The following CLDN16 variants were observed in gnomAD, a reference collection of about 807,000 sequenced individuals.
CLDN16 encodes the protein claudin 16.
Under a neutral mutation model 24.6 loss-of-function variants are expected in CLDN16, and 13 were observed. The ratio of observed to expected loss-of-function variants is 0.53; its 90% confidence interval spans 0.34 to 0.84. The LOEUF (loss-of-function observed/expected upper bound fraction) is 0.84, where lower values mean the gene tolerates loss of function less well. CLDN16 is among the 40% of genes least tolerant of loss of function. The pLI is 0.01. For missense variants in CLDN16, 298 were observed against 292.7 expected (o/e 1.02, Z -0.13); for synonymous variants, 116 against 106.7 (o/e 1.09, Z -0.54).
chr3:190,375,614 C>A (rs1005966412), intron 3 of CLDN16, among the ~76,000 whole-genome samples: 1 of 151,876 alleles, frequency 6.6e-6, no homozygotes, highest in Admixed American at 6.6e-5. Context: ...GTAAGTAAAA[C>A]CAGATATTCA....
At chr3:190,375,137 C>T (rs1560090414) in intron 3 of CLDN16, among the ~76,000 whole-genome samples, 1 of 152,000 alleles carries the variant, frequency 6.6e-6, no homozygotes, top group African/African-American at 2.4e-5. Context: ...GATGTTTAAA[C>T]TCCTGTTGGT....
At position 190,357,707 on chromosome 3, in the gene CLDN16, G is replaced by A. The variant is rs138185056; in HGVS notation, n.122-13186G>A. On this transcript the variant is annotated intron_variant and non_coding_transcript_variant, in intron 1 of 4. Coordinates refer to the CLDN16 transcript ENST00000468220. ...TCTTTCACAGGTTGGTGCTTTACTC[G>A]TGGTTTCCCATCAGCCCAGATTGCA... is the stretch of plus-strand genomic sequence containing the variant. 4.1e-3 allele frequency among the ~76,000 whole-genome samples: 619 copies of A among 151,934 alleles called. 2 individuals carry two copies. Among genetic ancestry groups the A allele is most frequent in the African/African-American group, 0.014 (591 of 41,476 alleles).
Position 190,352,344 on chromosome 3 carries a change from A to G in CLDN16, n.122-18549A>G, listed in dbSNP as rs1465424609. Among the ~76,000 whole-genome samples, 3 of 152,092 alleles carry G rather than the reference A, an allele frequency of 2.0e-5. No homozygotes were observed. The East Asian group carries it at 5.8e-4, about 29-fold the overall frequency. ...CAGTAAATATTTGTTGTATTTAATT[A>G]TATTGGAATAGCTCAGAAACAGAAT... On this transcript the variant is annotated intron_variant and non_coding_transcript_variant, in intron 1 of 4. Transcript: ENST00000468220.
rs147722582 is a variant in CLDN16, at chr3:190,323,003, TACAC to T, written n.121+364_121+367del. ...AACAGACCCAGAGAGCAACATGATTTACACACACACACACACACACACACAGACA... is the reference window on the plus strand; with the variant it reads ...AACAGACCCAGAGAGCAACATGATTTACACACACACACACACACACAGACA... On this transcript the variant is annotated intron_variant and non_coding_transcript_variant, in intron 1 of 4. Coordinates refer to the CLDN16 transcript ENST00000468220. Among the ~76,000 whole-genome samples the T allele has an allele frequency of 2.6e-3, 374 of 144,610 alleles. 3 individuals carry two copies. Among genetic ancestry groups the T allele is most frequent in the Non-Finnish European group, 2.1e-3 (138 of 66,476 alleles). The allele number at this position is 144,610 out of a possible 152,430, so 94.9% of individuals were successfully genotyped here.
chr3:190,350,442 A>G (rs1213002879), intron 1 of CLDN16, among the ~76,000 whole-genome samples: 2 of 151,878 alleles, frequency 1.3e-5, no homozygotes, highest in Non-Finnish European at 2.9e-5. Flanking sequence ...AAAAAGAGTC[A>G]ATGTGTATTT....
At chr3:190,390,872 A>C (rs1369395631) in intron 1 of CLDN16, among the ~76,000 whole-genome samples, 1 of 152,096 alleles carries the variant, frequency 6.6e-6, no homozygotes, top group African/African-American at 2.4e-5. Flanking sequence ...TGCAGATTCA[A>C]ACTTCTAGGC....
At chr3:190,304,843 T>TG in the CLDN16 span, among the ~76,000 whole-genome samples, 12 of 152,308 alleles carry the variant, frequency 7.9e-5, no homozygotes, top group South Asian at 2.5e-3. Context: ...TCTCTTGATC[T>TG]GGGCAAATAT....
chr3:190,410,079 A>T lies in CLDN16; in HGVS notation c.*43A>T. 1 of 1,604,020 alleles carries T rather than the reference A, an allele frequency of 6.2e-7. No individual in the cohort carries two copies. Among genetic ancestry groups the T allele is most frequent in the East Asian group, 2.2e-5 (1 of 44,798 alleles). On this transcript the variant is annotated 3_prime_UTR_variant, in exon 5 of 5. Transcript: ENST00000264734. ...GTGTTTGCATATGATTTAATCAATCAGTATGGTTACATTGATAAAATAGTA... is the reference window on the plus strand; with the variant it reads ...GTGTTTGCATATGATTTAATCAATCTGTATGGTTACATTGATAAAATAGTA...
intron 1 of CLDN16, among the ~76,000 whole-genome samples, chr3:190,346,755 C>T (rs1009391264): frequency 6.6e-6 from 1 of 152,150 alleles, no homozygotes; most frequent in East Asian, 1.9e-4. Flanking sequence ...CTCACAATCC[C>T]TGGTGTTGCT....
intron 1 of CLDN16, among the ~76,000 whole-genome samples, chr3:190,323,093 A>G (rs1392845855): frequency 6.6e-6 from 1 of 151,668 alleles, no homozygotes; most frequent in Non-Finnish European, 1.5e-5. Context: ...TCCACTACAT[A>G]TCAAGTTGAC....
chr3:190,353,687 T>C (rs1240040538), intron 1 of CLDN16, among the ~76,000 whole-genome samples: 2 of 152,122 alleles, frequency 1.3e-5, no homozygotes, highest in Non-Finnish European at 2.9e-5. Context: ...TTTAGTTATC[T>C]ATAGTTGGCT....
intron 1 of CLDN16, among the ~76,000 whole-genome samples, chr3:190,348,946 T>G (rs1436656841): frequency 6.6e-6 from 1 of 152,204 alleles, no homozygotes; most frequent in Non-Finnish European, 1.5e-5. Flanking sequence ...GTTAGTTTGC[T>G]AAAGATAATG....
At chr3:190,305,001 C>G in the CLDN16 span, among the ~76,000 whole-genome samples, 4 of 152,182 alleles carry the variant, frequency 2.6e-5, no homozygotes, top group African/African-American at 9.7e-5. Flanking sequence ...TACTTTATTG[C>G]CTTTCAAACT....
At chr3:190,329,675 A>G (rs1346502943) in intron 1 of CLDN16, among the ~76,000 whole-genome samples, 1 of 152,244 alleles carries the variant, frequency 6.6e-6, no homozygotes, top group African/African-American at 2.4e-5. Context: ...TAATATGCTC[A>G]TGCAAATCAT....
the CLDN16 span, among the ~76,000 whole-genome samples, chr3:190,294,030 T>A: frequency 6.6e-6 from 1 of 152,098 alleles, no homozygotes; most frequent in Non-Finnish European, 1.5e-5. Context: ...TTTAGATGAG[T>A]TTTGGTTGAA....
chr3:190,390,825 A>C (rs1362652979), intron 1 of CLDN16, among the ~76,000 whole-genome samples: 2 of 152,096 alleles, frequency 1.3e-5, no homozygotes, highest in Non-Finnish European at 2.9e-5. Context: ...TCACGCTGTC[A>C]CCCAGGATAG....
At chr3:190,315,316 A>C in the CLDN16 span, among the ~76,000 whole-genome samples, 643 of 152,242 alleles carry the variant, frequency 4.2e-3, 4 homozygotes, top group African/African-American at 0.014. Flanking sequence ...TTAAAGTCCT[A>C]CATCCTTAGA....
At chr3:190,295,421 T>A in the CLDN16 span, among the ~76,000 whole-genome samples, 1 of 152,210 alleles carries the variant, frequency 6.6e-6, no homozygotes, top group Non-Finnish European at 1.5e-5. Context: ...ACCTTTTCTT[T>A]GTGGGATTTC....
At chr3:190,378,516 G>A (rs369933380) in intron 3 of CLDN16, among the ~76,000 whole-genome samples, 17 of 152,012 alleles carry the variant, frequency 1.1e-4, no homozygotes, top group African/African-American at 3.6e-4. Context: ...TTGCTTCATC[G>A]TTTCAGCAGA....
Sources: gnomAD v4.1 joint callset for allele counts (sites outside exome capture counted in the v4.1 genomes callset) on GRCh38, gnomAD v4.1.1 for gene constraint, MANE v1.5 for transcripts, NCBI Gene and HGNC (gene_info 2026-07-23, HGNC 2026-07-21) for gene names.